The following CDH4 variants were observed in gnomAD, a reference collection of about 807,000 sequenced individuals.
CDH4 encodes cadherin 4.
In CDH4, 33 loss-of-function variants were observed where a neutral mutation model predicts 86.0. The ratio of observed to expected loss-of-function variants is 0.38; its 90% confidence interval spans 0.29 to 0.51. CDH4 has a LOEUF of 0.51. Among genes scored for constraint, CDH4 ranks in the 20% least tolerant of loss-of-function variants. The probability of loss-of-function intolerance (pLI) is 0.86; values close to 1 mark genes in which losing one functional copy is unlikely to be tolerated. For synonymous variants in CDH4, 555 were observed against 549.4 expected, an observed-to-expected ratio of 1.01 and a Z score of -0.14; for missense variants, 1,114 against 1,307.4, an observed-to-expected ratio of 0.85 and a Z score of 2.28.
At chr20:61,845,933 A>C (rs888874019) in intron 5 of CDH4, among the ~76,000 whole-genome samples, 2 of 152,224 alleles carry the variant, frequency 1.3e-5, no homozygotes, top group African/African-American at 4.8e-5. Flanking sequence ...CACCAGAAGG[A>C]GGCTGCATAG....
At chr20:61,565,110 GTGC>G (rs2086259423) in intron 2 of CDH4, among the ~76,000 whole-genome samples, 12 of 118,266 alleles carry the variant, frequency 1.0e-4, no homozygotes, top group East Asian at 2.4e-4. Flanking sequence ...GCTCTTGGTG[GTGC>G]TGGTGCTCTT....
At chr20:61,824,391 C>T (rs1484759627) in intron 4 of CDH4, among the ~76,000 whole-genome samples, 1 of 151,772 alleles carries the variant, frequency 6.6e-6, no homozygotes, top group Non-Finnish European at 1.5e-5. Context: ...TCCCCCCAAC[C>T]CCAGCGACAT....
chr20:61,254,420 C>G (rs1032800948), intron 1 of CDH4, among the ~76,000 whole-genome samples: 10 of 152,220 alleles, frequency 6.6e-5, no homozygotes, highest in African/African-American at 2.4e-4. Context: ...GGGCCTAAAG[C>G]GCGAATGGTC....
At chr20:61,282,771 G>A (rs1478978535) in intron 2 of CDH4, among the ~76,000 whole-genome samples, 3 of 152,264 alleles carry the variant, frequency 2.0e-5, no homozygotes, top group Non-Finnish European at 4.4e-5. Flanking sequence ...GTATGCACAC[G>A]GATAAGCATG....
At chr20:61,727,117 G>T (rs896122826) in intron 2 of CDH4, among the ~76,000 whole-genome samples, 3 of 151,284 alleles carry the variant, frequency 2.0e-5, no homozygotes, top group African/African-American at 4.9e-5. Context: ...CACCATCGTT[G>T]CCATCATCAT....
At chr20:61,404,042 T>C (rs996448459) in intron 2 of CDH4, among the ~76,000 whole-genome samples, 1 of 152,208 alleles carries the variant, frequency 6.6e-6, no homozygotes, top group Non-Finnish European at 1.5e-5. Context: ...ACCATGTCTT[T>C]TCACATGCCG....
intron 2 of CDH4, among the ~76,000 whole-genome samples, chr20:61,735,839 G>A (rs543372006): frequency 2.0e-5 from 3 of 152,268 alleles, no homozygotes; most frequent in South Asian, 2.1e-4. Context: ...TGCATGCAGC[G>A]GGGGCCACAG....
At chr20:61,870,431 G>A (rs1983752558) in intron 6 of CDH4, among the ~76,000 whole-genome samples, 1 of 152,202 alleles carries the variant, frequency 6.6e-6, no homozygotes, top group South Asian at 2.1e-4. Flanking sequence ...TCAGAAACCA[G>A]GCTGGCTGTG....
Position 61,532,076 on chromosome 20 carries a change from G to A in CDH4, c.170-211487G>A, listed in dbSNP as rs140204007. On this transcript the variant is annotated intron_variant, in intron 2 of 15. Coordinates refer to ENST00000614565, the MANE Select transcript of CDH4 (RefSeq NM_001794.5). ...CAGGCTCTGCCACTGAGGAGGAGAG[G>A]CGGATAAAACACAGGTGTGAGCAAG... Among the ~76,000 whole-genome samples the A allele has an allele frequency of 1.2e-4, 19 of 152,318 alleles. No individual in the cohort carries two copies. In the East Asian group the frequency reaches 3.5e-3, roughly 28 times the overall value.
intron 2 of CDH4, among the ~76,000 whole-genome samples, chr20:61,473,426 C>T (rs1023880867): frequency 6.6e-6 from 1 of 152,122 alleles, no homozygotes; most frequent in African/African-American, 2.4e-5. Context: ...GAAGCTGTGG[C>T]TAGAGAGCTT....
Position 61,417,745 on chromosome 20 carries a change from A to G in CDH4, c.169+162808A>G, listed in dbSNP as rs1388157454. 6.6e-6 allele frequency among the ~76,000 whole-genome samples: 1 copy of G among 152,160 alleles called. No individual in the cohort carries two copies. Among genetic ancestry groups the G allele is most frequent in the Non-Finnish European group, 1.5e-5 (1 of 68,036 alleles). On this transcript the variant is annotated intron_variant, in intron 2 of 15. Transcript: ENST00000614565. This position sits in a 1 kb window ranked among gnomAD's most constrained non-coding sequence, Gnocchi z 4.0. ...CAGGTGCACATGGCGGGAAGTGGGC[A>G]CAGGAGCCTTGACCTGACAAGGTCC... is the stretch of plus-strand genomic sequence containing the variant.
At chr20:61,903,003 A>G (rs1206144520) in intron 8 of CDH4, among the ~76,000 whole-genome samples, 145 of 127,028 alleles carry the variant, frequency 1.1e-3, no homozygotes, top group South Asian at 2.1e-3. Context: ...TGGGCAACAG[A>G]GCAAGACTGT....
chr20:61,773,506 C>T (rs1296320272), intron 4 of CDH4, among the ~76,000 whole-genome samples: 2 of 152,162 alleles, frequency 1.3e-5, no homozygotes, highest in Non-Finnish European at 2.9e-5. Flanking sequence ...GGTCTGATCA[C>T]ATTTCTTTCC....
intron 14 of CDH4, 121 bp from the exon 15 acceptor site, chr20:61,933,935 G>A: frequency 8.9e-7 from 1 of 1,122,984 alleles, no homozygotes; most frequent in South Asian, 1.4e-5. Context: ...GGGATGCTTG[G>A]AGACCAGGCC....
At chr20:61,445,133 C>A (rs372788000) in intron 2 of CDH4, among the ~76,000 whole-genome samples, 1 of 152,260 alleles carries the variant, frequency 6.6e-6, no homozygotes, top group Non-Finnish European at 1.5e-5. Flanking sequence ...ACTCTTCCCC[C>A]ACTCCCTATT....
intron 6 of CDH4, among the ~76,000 whole-genome samples, chr20:61,865,140 C>T (rs1178382451): frequency 6.6e-6 from 1 of 152,164 alleles, no homozygotes; most frequent in Non-Finnish European, 1.5e-5. Context: ...TGCCAGGTAC[C>T]CCTCCTGCCA....
At chr20:61,890,191 G>A (rs1221685181) in intron 7 of CDH4, among the ~76,000 whole-genome samples, 9 of 145,186 alleles carry the variant, frequency 6.2e-5, no homozygotes, top group African/African-American at 2.4e-4. Flanking sequence ...TGGATGGATA[G>A]ATGATGGATG....
intron 2 of CDH4, among the ~76,000 whole-genome samples, chr20:61,478,038 G>A (rs956550481): frequency 7.9e-5 from 12 of 152,128 alleles, no homozygotes; most frequent in Admixed American, 5.2e-4. Flanking sequence ...CTGTCTAATC[G>A]CGTGAGGACT....
At chr20:61,613,555 A>C (rs2086701850) in intron 2 of CDH4, among the ~76,000 whole-genome samples, 2 of 149,476 alleles carry the variant, frequency 1.3e-5, no homozygotes, top group South Asian at 4.3e-4. Context: ...AGAATCTAGG[A>C]TGTGGTTCCA....
Sources: gnomAD v4.1 joint callset for allele counts (sites outside exome capture counted in the v4.1 genomes callset) on GRCh38, gnomAD v4.1.1 for gene constraint, Gnocchi (gnomAD v3.1) non-coding constraint, MANE v1.5 for transcripts, NCBI Gene and HGNC (gene_info 2026-07-23, HGNC 2026-07-21) for gene names.